The following PRKCB variants were observed in gnomAD, a reference collection of about 807,000 sequenced individuals.
The protein encoded by PRKCB is protein kinase C beta, also known as protein kinase C beta type.
Under a neutral mutation model 81.5 loss-of-function variants are expected in PRKCB, and 13 were observed. The observed-to-expected ratio is 0.16, with a 90% CI of 0.10 to 0.25. The LOEUF (loss-of-function observed/expected upper bound fraction) is 0.25, where lower values mean the gene tolerates loss of function less well. Ranked by LOEUF, PRKCB falls within the 10% of genes least tolerant of loss-of-function variation. PRKCB has a pLI of 1.00. For synonymous variants in PRKCB, 335 were observed against 321.4 expected, an observed-to-expected ratio of 1.04 and a Z score of -0.45; for missense variants, 509 against 875.7, an observed-to-expected ratio of 0.58 and a Z score of 5.29.
At chr16:23,973,647 A>G (rs915274585) in intron 2 of PRKCB, among the ~76,000 whole-genome samples, 4 of 152,238 alleles carry the variant, frequency 2.6e-5, no homozygotes, top group Admixed American at 2.0e-4. Context: ...GCACGTCAGG[A>G]CAGAAGTGAT....
chr16:24,012,424 C>T (rs1185705248), intron 3 of PRKCB, among the ~76,000 whole-genome samples: 6 of 152,294 alleles, frequency 3.9e-5, no homozygotes, highest in South Asian at 4.2e-4. Context: ...GCCACCATGT[C>T]CCATCCTCAC....
rs754840890 is a variant in PRKCB at position 24,218,718 on chromosome 16, G to A, written c.*3902G>A. 5.1e-6 allele frequency: 5 copies of A among 985,444 alleles called. No individual in the cohort carries two copies. Among genetic ancestry groups the A allele is most frequent in the Non-Finnish European group, 6.0e-6 (5 of 829,984 alleles). 61.0% of individuals were successfully genotyped at this position (985,444 alleles called of 1,614,324 possible). A position where few individuals can be genotyped will look rare whatever the true frequency, so the allele number is the denominator to read the frequency against. On this transcript the variant is annotated 3_prime_UTR_variant, in exon 17 of 17. Transcript: ENST00000643927. Reference sequence around the variant, plus strand: ...AAGCCTGGGTGGTGATGGCTCAAACGCTAATGAGTCAGTGAATCCTTACCG... The same window carrying A: ...AAGCCTGGGTGGTGATGGCTCAAACACTAATGAGTCAGTGAATCCTTACCG...
intron 5 of PRKCB, among the ~76,000 whole-genome samples, chr16:24,091,156 A>C (rs1966372887): frequency 6.6e-6 from 1 of 152,206 alleles, no homozygotes; most frequent in African/African-American, 2.4e-5. Flanking sequence ...ATGGAATTGC[A>C]TTTATCATGA....
chr16:24,126,746 G>T (rs1019305873), intron 9 of PRKCB, among the ~76,000 whole-genome samples: 19 of 152,102 alleles, frequency 1.2e-4, no homozygotes, highest in African/African-American at 4.6e-4. Flanking sequence ...ATGTTGACCA[G>T]GCTGGTCTTG....
At chr16:23,936,579 ATTTTTTTTTTT>A (rs57643578) in intron 2 of PRKCB, among the ~76,000 whole-genome samples, 4 of 96,036 alleles carry the variant, frequency 4.2e-5, no homozygotes, top group Middle Eastern at 7.4e-3. Context: ...CACCCAACTA[ATTTTTTTTTTT>A]TTTTTTTTTT....
Position 24,033,578 on chromosome 16 carries a change from G to A in PRKCB, c.400+1331G>A, listed in dbSNP as rs749764018. The stretch of plus-strand genomic sequence containing the variant: ...GGAGTTTGAGACCAGCTTGGCCAAC[G>A]TGGCAAAACCCAATCTCTACTAAAA... On this transcript the variant is annotated intron_variant, in intron 4 of 16. Transcript: ENST00000643927. 2.0e-5 allele frequency among the ~76,000 whole-genome samples: 3 copies of A among 151,986 alleles called. No individual in the cohort carries two copies. In the South Asian group the frequency reaches 6.2e-4, roughly 32 times the overall value.
At chr16:24,105,365 CT>C (rs1161938942) in intron 7 of PRKCB, among the ~76,000 whole-genome samples, 3 of 150,174 alleles carry the variant, frequency 2.0e-5, no homozygotes, top group Admixed American at 1.3e-4. Flanking sequence ...GCCTTTTTTT[CT>C]TTTTTTTTTA....
At chr16:24,020,495 A>AT (rs1432743711) in intron 3 of PRKCB, among the ~76,000 whole-genome samples, 1 of 152,078 alleles carries the variant, frequency 6.6e-6, no homozygotes, top group East Asian at 1.9e-4. Flanking sequence ...TGCCATGATG[A>AT]TTTTTTCTCT....
chr16:23,998,383 C>T lies in PRKCB; in HGVS notation c.288+9793C>T, dbSNP rs552545035. On this transcript the variant is annotated intron_variant, in intron 3 of 16. Transcript: ENST00000643927. ...GTTATTGATTTTTTTTTGGAGAACCCTGACTAATACATTGTGCCTACACCG... is the reference window on the plus strand; with the variant it reads ...GTTATTGATTTTTTTTTGGAGAACCTTGACTAATACATTGTGCCTACACCG... Among the ~76,000 whole-genome samples, 3 of 151,404 alleles carry T rather than the reference C, an allele frequency of 2.0e-5. No homozygotes were observed. The East Asian group carries it at 5.8e-4, about 29-fold the overall frequency.
intron 2 of PRKCB, among the ~76,000 whole-genome samples, chr16:23,888,222 C>T (rs557903774): frequency 1.3e-5 from 2 of 152,202 alleles, no homozygotes; most frequent in African/African-American, 2.4e-5. Flanking sequence ...CAGGCTGCCT[C>T]TTAGGACAGA....
At chr16:24,159,315 G>GTCATTGGC (rs1483806361) in intron 10 of PRKCB, among the ~76,000 whole-genome samples, 1 of 152,180 alleles carries the variant, frequency 6.6e-6, no homozygotes, top group Non-Finnish European at 1.5e-5. Flanking sequence ...ACAGCACTGG[G>GTCATTGGC]TCATTGGCTC....
intron 5 of PRKCB, among the ~76,000 whole-genome samples, chr16:24,040,369 A>G (rs997112071): frequency 1.3e-5 from 2 of 152,146 alleles, no homozygotes; most frequent in African/African-American, 4.8e-5. Flanking sequence ...AATGTTTGCC[A>G]TTGCCATCTT....
chr16:23,924,875 A>G (rs1342823402), intron 2 of PRKCB, among the ~76,000 whole-genome samples: 1 of 152,154 alleles, frequency 6.6e-6, no homozygotes, highest in African/African-American at 2.4e-5. Flanking sequence ...ATTATAAACA[A>G]CAACAACAAA....
At chr16:24,000,288 A>G (rs1294554623) in intron 3 of PRKCB, among the ~76,000 whole-genome samples, 4 of 152,208 alleles carry the variant, frequency 2.6e-5, no homozygotes, top group African/African-American at 9.6e-5. Flanking sequence ...AGAGTCATAG[A>G]TGGCCTCATC....
intron 2 of PRKCB, among the ~76,000 whole-genome samples, chr16:23,904,009 G>A (rs1163742079): frequency 1.3e-5 from 2 of 152,152 alleles, no homozygotes; most frequent in Non-Finnish European, 2.9e-5. Flanking sequence ...TGAATATGTG[G>A]TCTATTTCAA....
At chr16:24,074,793 A>G (rs1186509017) in intron 5 of PRKCB, among the ~76,000 whole-genome samples, 1 of 152,182 alleles carries the variant, frequency 6.6e-6, no homozygotes, top group Non-Finnish European at 1.5e-5. Flanking sequence ...GCTTTGTGCA[A>G]TATGGCAGCC....
intron 3 of PRKCB, among the ~76,000 whole-genome samples, chr16:24,020,984 CTTTCTTTCTT>C (rs1965355617): frequency 9.1e-6 from 1 of 110,436 alleles, no homozygotes; most frequent in African/African-American, 3.7e-5. Flanking sequence ...CTTTTTCTTT[CTTTCTTTCTT>C]TCTTTCTTTC....
intron 2 of PRKCB, among the ~76,000 whole-genome samples, chr16:23,845,722 T>C (rs1962355923): frequency 2.6e-5 from 4 of 152,234 alleles, no homozygotes; most frequent in Admixed American, 2.6e-4. Flanking sequence ...TGAGTAAGTA[T>C]TTGGTAGAAC....
At position 24,053,763 on chromosome 16, in the gene PRKCB, A is replaced by G. The variant is rs549067205; in HGVS notation, c.529+18216A>G. 1.8e-4 allele frequency among the ~76,000 whole-genome samples: 28 copies of G among 152,258 alleles called. 1 individual carries two copies. Among genetic ancestry groups the G allele is most frequent in the Middle Eastern group, 6.8e-3 (2 of 294 alleles). On this transcript the variant is annotated intron_variant, in intron 5 of 16. Transcript: ENST00000643927. ...ACAGCTGGTGCAAAGGCCCTGTGGC[A>G]TGAGCATGTTCGGTGTGCTTGAAGA...
Sources: allele counts gnomAD v4.1 joint callset (sites outside exome capture counted in the v4.1 genomes callset), GRCh38; gene constraint gnomAD v4.1.1; transcripts MANE v1.5; gene names NCBI Gene and HGNC (gene_info 2026-07-23, HGNC 2026-07-21).